PLCB1: variants seen among roughly 807,000 people sequenced by gnomAD.
The protein encoded by PLCB1 is phospholipase C beta 1, also known as 1-phosphatidylinositol 4,5-bisphosphate phosphodiesterase beta-1.
A neutral mutation model predicts 161.8 loss-of-function variants in PLCB1; 46 were observed. The ratio of observed to expected loss-of-function variants is 0.28; its 90% confidence interval spans 0.22 to 0.36. The LOEUF is 0.36. Among genes scored for constraint, PLCB1 ranks in the 10% least tolerant of loss-of-function variants. The pLI, the probability that PLCB1 is intolerant of heterozygous loss-of-function variation, is 1.00. For synonymous variants in PLCB1, 517 were observed against 503.7 expected, an observed-to-expected ratio of 1.03 and a Z score of -0.35; for missense variants, 1,016 against 1,472.5, an observed-to-expected ratio of 0.69 and a Z score of 5.07.
At chr20:8,180,924 A>G (rs995639526) in intron 2 of PLCB1, among the ~76,000 whole-genome samples, 2 of 147,026 alleles carry the variant, frequency 1.4e-5, no homozygotes, top group African/African-American at 5.1e-5. Context: ...TTTTTCATAC[A>G]TTCATAATGT....
intron 15 of PLCB1, 35 bp from the exon 16 acceptor site, chr20:8,724,621 T>C: frequency 8.6e-7 from 1 of 1,162,678 alleles, no homozygotes; most frequent in Non-Finnish European, 1.3e-6. Context: ...TAATGCTGAC[T>C]CTGGAAATGT....
At chr20:8,283,143 G>T (rs1982953909) in intron 2 of PLCB1, among the ~76,000 whole-genome samples, 1 of 152,198 alleles carries the variant, frequency 6.6e-6, no homozygotes, top group African/African-American at 2.4e-5. Flanking sequence ...ATTCCCAGAA[G>T]TGACACATAT....
At chr20:8,436,537 C>CT (rs1455183354) in intron 3 of PLCB1, among the ~76,000 whole-genome samples, 4 of 151,490 alleles carry the variant, frequency 2.6e-5, no homozygotes, top group Non-Finnish European at 5.9e-5. Flanking sequence ...ACCAAACTCT[C>CT]TTTTTTCTCT....
Position 8,724,733 on chromosome 20 carries a change from G to A in PLCB1, c.1659G>A (p.Glu553=), listed in dbSNP as rs1451392383. ...ACTATATTCAGCCAGTCAAGTTTGA[G>A]TCATTTGAAATTTCAAAAAGTAAGT... ...LVNYIQPVKF[E]SFEISKKRNK... Residue 553 remains glutamate, a synonymous_variant, in exon 16 of 32, where the codon GAG becomes GAA. Coordinates refer to ENST00000338037, the MANE Select transcript of PLCB1 (RefSeq NM_015192.4). The A allele has an allele frequency of 6.2e-7, 1 of 1,607,772 alleles. No individual in the cohort carries two copies. Among genetic ancestry groups the A allele is most frequent in the African/African-American group, 1.3e-5 (1 of 74,728 alleles).
In PLCB1 at chr20:8,629,771, T is replaced by C. The variant is rs557502082; in HGVS notation, c.384+1340T>C. Among the ~76,000 whole-genome samples the C allele has an allele frequency of 1.3e-4, 17 of 128,478 alleles. No individual in the cohort carries two copies. The Admixed American group carries it at 1.5e-3, about 11-fold the overall frequency. The allele number at this position is 128,478 out of a possible 152,430, so 84.3% of individuals were successfully genotyped here. ...ATTTTCTGAGCTACACCAGATGTGT[T>C]GGCCTGGTTCCTTCCTTCCTTTCTT... is the stretch of plus-strand genomic sequence containing the variant. On this transcript the variant is annotated intron_variant, in intron 4 of 31. Transcript: ENST00000338037.
intron 31 of PLCB1, among the ~76,000 whole-genome samples, chr20:8,801,176 GC>G (rs1404886118): frequency 1.3e-5 from 2 of 151,780 alleles, no homozygotes; most frequent in East Asian, 3.9e-4. Flanking sequence ...TCATTGCTAG[GC>G]CCCAACAAGA....
rs1346178322 is a variant in PLCB1 at position 8,880,863 on chromosome 20, T to TC, written c.3424-759_3424-758insC. The TC allele has an allele frequency of 1.1e-3, 153 of 139,840 alleles. 1 individual carries two copies. The highest frequency in any genetic ancestry group is 3.8e-3 in the African/African-American group (139 of 36,640). 8.7% of individuals were successfully genotyped at this position (139,840 alleles called of 1,614,324 possible). ...TCCTCTTTTTCTTTCTTTCTTTCTT[T>TC]TTTTTTTTTTTTTTTGGTTTTGAGA... On this transcript the variant is annotated intron_variant, in intron 31 of 31. Coordinates refer to ENST00000338037, the MANE Select transcript of PLCB1 (RefSeq NM_015192.4).
At chr20:8,309,466 G>A (rs1984292804) in intron 2 of PLCB1, among the ~76,000 whole-genome samples, 1 of 152,152 alleles carries the variant, frequency 6.6e-6, no homozygotes, top group Non-Finnish European at 1.5e-5. Context: ...ATTTCTACCA[G>A]TGTTTTTCTT....
intron 2 of PLCB1, among the ~76,000 whole-genome samples, chr20:8,283,546 TAATA>T (rs1045633493): frequency 2.8e-5 from 4 of 142,290 alleles, no homozygotes; most frequent in South Asian, 4.5e-4. Context: ...CATATACTTA[TAATA>T]AATAAATAAA....
At chr20:8,407,537 C>T (rs1431737110) in intron 3 of PLCB1, among the ~76,000 whole-genome samples, 3 of 152,232 alleles carry the variant, frequency 2.0e-5, no homozygotes, top group South Asian at 2.1e-4. Flanking sequence ...GAAGCAAAAG[C>T]GGAAACCCCT....
chr20:8,437,967 A>G lies in PLCB1; in HGVS notation c.246+66517A>G, dbSNP rs374053583. On this transcript the variant is annotated intron_variant, in intron 3 of 31. Transcript: ENST00000338037. ...CAAACAGACTATGCCATTATAAGGTAATCACTCCCTGAAACATAAAAAAAG... is the reference window on the plus strand; with the variant it reads ...CAAACAGACTATGCCATTATAAGGTGATCACTCCCTGAAACATAAAAAAAG... Among the ~76,000 whole-genome samples the G allele has an allele frequency of 3.3e-5, 5 of 152,306 alleles. No homozygotes were observed. The East Asian group carries it at 7.7e-4, about 24-fold the overall frequency.
intron 3 of PLCB1, among the ~76,000 whole-genome samples, chr20:8,439,640 T>C (rs774314929): frequency 6.6e-6 from 1 of 152,204 alleles, no homozygotes; most frequent in Admixed American, 6.5e-5. Context: ...TAGATTATAC[T>C]GGAATATTTG....
intron 2 of PLCB1, among the ~76,000 whole-genome samples, chr20:8,209,180 GAAGAA>G (rs1236273530): frequency 6.6e-6 from 1 of 151,368 alleles, no homozygotes; most frequent in Non-Finnish European, 1.5e-5. Flanking sequence ...CTTGAGGGCA[GAAGAA>G]AAGAAACTGT....
intron 3 of PLCB1, among the ~76,000 whole-genome samples, chr20:8,621,784 T>TCC (rs1988192293): frequency 6.6e-6 from 1 of 152,226 alleles, no homozygotes; most frequent in African/African-American, 2.4e-5. Context: ...CAGGTGTACT[T>TCC]GGATTCAAAT....
chr20:8,155,338 C>G (rs891229215), intron 2 of PLCB1, among the ~76,000 whole-genome samples: 4 of 152,220 alleles, frequency 2.6e-5, no homozygotes, highest in Non-Finnish European at 4.4e-5. Flanking sequence ...CATCTGCCAT[C>G]TTGTTCTGCC....
chr20:8,341,910 C>T (rs1429757207), intron 2 of PLCB1, among the ~76,000 whole-genome samples: 2 of 151,924 alleles, frequency 1.3e-5, no homozygotes, highest in East Asian at 3.9e-4. Flanking sequence ...GATAACTTGC[C>T]TTGATTCCAA....
rs1184507192 is a variant in PLCB1 at position 8,788,487 on chromosome 20, G to A, written c.3150G>A (p.Gln1050=). ...QKLTDVAEEC[Q]NNQLKKLKEI... ...TGACGGATGTCGCAGAAGAGTGTCA[G>A]AACAATCAGTTAAAGAAGCTCAAAG... The change falls in exon 28 of 32, where the codon CAG becomes CAA. Residue 1050 remains glutamine (Q), a synonymous_variant. Coordinates refer to ENST00000338037, the MANE Select transcript of PLCB1 (RefSeq NM_015192.4). 1 of 1,613,738 alleles carries A rather than the reference G, an allele frequency of 6.2e-7. No homozygotes were observed.
intron 3 of PLCB1, among the ~76,000 whole-genome samples, chr20:8,401,848 A>G (rs896521008): frequency 1.3e-5 from 2 of 152,228 alleles, no homozygotes; most frequent in Non-Finnish European, 2.9e-5. Context: ...AGGCTGGGAC[A>G]TACAGATTCC....
chr20:8,276,832 C>T (rs972358109), intron 2 of PLCB1, among the ~76,000 whole-genome samples: 8 of 152,038 alleles, frequency 5.3e-5, no homozygotes, highest in Admixed American at 1.3e-4. Context: ...ACCATAGCCC[C>T]GCCATGAAAT....
Sources: gnomAD v4.1 joint callset for allele counts (sites outside exome capture counted in the v4.1 genomes callset) on GRCh38, gnomAD v4.1.1 for gene constraint, MANE v1.5 for transcripts, NCBI Gene and HGNC (gene_info 2026-07-23, HGNC 2026-07-21) for gene names.